The following FAM168A variants were observed in gnomAD, a reference collection of about 807,000 sequenced individuals.
FAM168A encodes the protein family with sequence similarity 168 member A.
FAM168A carries 3 observed loss-of-function variants against 28.5 expected under a neutral mutation model. That is an observed-to-expected ratio of 0.11 (90% confidence interval 0.05 to 0.27). The LOEUF (loss-of-function observed/expected upper bound fraction) is 0.27. Among genes scored for constraint, FAM168A ranks in the 10% least tolerant of loss-of-function variants. FAM168A has a pLI of 1.00. For synonymous variants in FAM168A, 122 were observed against 124.2 expected (o/e 0.98, Z 0.12); for missense variants, 222 against 311.5 (o/e 0.71, Z 2.16).
At chr11:73,447,970 T>A (rs903589144) in intron 2 of FAM168A, among the ~76,000 whole-genome samples, 3 of 152,258 alleles carry the variant, frequency 2.0e-5, no homozygotes, top group African/African-American at 7.2e-5. Context: ...AACGGGATAA[T>A]AATCACTTTG....
chr11:73,514,055 C>CA (rs1855281394), intron 1 of FAM168A, among the ~76,000 whole-genome samples: 1 of 151,938 alleles, frequency 6.6e-6, no homozygotes, highest in African/African-American at 2.4e-5. Context: ...AGTTATGGTA[C>CA]ATGCCTGTAG....
chr11:73,436,630 C>T (rs1867091299), intron 2 of FAM168A, among the ~76,000 whole-genome samples: 1 of 152,168 alleles, frequency 6.6e-6, no homozygotes, highest in Non-Finnish European at 1.5e-5. Flanking sequence ...ACTTCTATAT[C>T]TGATTTAATC....
At chr11:73,557,445 G>T (rs751195594) in intron 1 of FAM168A, among the ~76,000 whole-genome samples, 6 of 151,838 alleles carry the variant, frequency 4.0e-5, no homozygotes, top group Admixed American at 1.3e-4. Flanking sequence ...GCCTAGGCTG[G>T]TCTTGAACTC....
chr11:73,588,419 G>T (rs970056050), intron 1 of FAM168A, among the ~76,000 whole-genome samples: 1 of 152,092 alleles, frequency 6.6e-6, no homozygotes, highest in Non-Finnish European at 1.5e-5. Flanking sequence ...GGCCAGGTGC[G>T]GTGGCCCACA....
chr11:73,429,361 G>A (rs913568023), intron 3 of FAM168A, among the ~76,000 whole-genome samples: 9 of 152,190 alleles, frequency 5.9e-5, no homozygotes, highest in Admixed American at 5.9e-4. Context: ...CAAGAGAAAA[G>A]GTTGAACTGG....
chr11:73,491,709 CTGTT>C lies in FAM168A; in HGVS notation c.-18-23221_-18-23218del, dbSNP rs561223907. The stretch of plus-strand genomic sequence containing the variant: ...CTCATCTCATACGTGGGATGCAGAC[CTGTT>C]AACCCAGCTATAGTCTAAGATGTCA... On this transcript the variant is annotated intron_variant, in intron 1 of 7. Transcript: ENST00000356467. 3.9e-5 allele frequency among the ~76,000 whole-genome samples: 6 copies of C among 152,310 alleles called. No individual in the cohort carries two copies. The East Asian group carries it at 1.2e-3, about 29-fold the overall frequency.
chr11:73,519,708 G>A lies in FAM168A; in HGVS notation c.-18-51216C>T, dbSNP rs147925674. Reference sequence around the variant, plus strand: ...AAAAGCTTGACAGGCTCTCAGAGGAGCTGAGAGATGATGAGGATAGCTGGA... The same window carrying A: ...AAAAGCTTGACAGGCTCTCAGAGGAACTGAGAGATGATGAGGATAGCTGGA... On this transcript the variant is annotated intron_variant, in intron 1 of 7. Coordinates refer to ENST00000356467, the MANE Select transcript of FAM168A (RefSeq NM_015159.3). Among the ~76,000 whole-genome samples the A allele has an allele frequency of 1.2e-3, 181 of 152,226 alleles. 1 individual carries two copies. The highest frequency in any genetic ancestry group is 3.4e-3 in the Middle Eastern group (1 of 294).
intron 2 of FAM168A, among the ~76,000 whole-genome samples, chr11:73,462,681 G>A (rs1487608144): frequency 6.6e-6 from 1 of 152,056 alleles, no homozygotes; most frequent in Admixed American, 6.5e-5. Context: ...CTCCAGACCA[G>A]CCTGGCCAAC....
intron 2 of FAM168A, among the ~76,000 whole-genome samples, chr11:73,460,032 C>G (rs1356991498): frequency 6.6e-6 from 1 of 152,034 alleles, no homozygotes; most frequent in Non-Finnish European, 1.5e-5. Flanking sequence ...AGGCGCCCAC[C>G]ACCATGCCTG....
chr11:73,554,609 AC>A (rs1943868511), intron 1 of FAM168A, among the ~76,000 whole-genome samples: 2 of 152,242 alleles, frequency 1.3e-5, no homozygotes, highest in African/African-American at 4.8e-5. Context: ...AGATTTTAGG[AC>A]AAAAAATGAA....
intron 1 of FAM168A, among the ~76,000 whole-genome samples, chr11:73,476,059 A>C (rs1192103268): frequency 2.6e-5 from 4 of 152,226 alleles, no homozygotes; most frequent in Non-Finnish European, 5.9e-5. Context: ...AAACTTTCAT[A>C]GGATCCCTAG....
rs35834079 is a variant in FAM168A at position 73,433,367 on chromosome 11, C to CAA, written c.71-2599_71-2598dup. On this transcript the variant is annotated intron_variant, in intron 2 of 7. Transcript: ENST00000356467. ...TACTTTCTTTATAAAGCCTTTGATG[C>CAA]AAAAAAAAAAAATCAATTTTAAGTC... Among the ~76,000 whole-genome samples, 19 of 143,492 alleles carry CAA rather than the reference C, an allele frequency of 1.3e-4. No homozygotes were observed. In the East Asian group the frequency reaches 2.6e-3, roughly 19 times the overall value. The allele number at this position is 143,492 out of a possible 152,430, so 94.1% of individuals were successfully genotyped here. A position where few individuals can be genotyped will look rare whatever the true frequency, so the allele number is the denominator to read the frequency against.
intron 2 of FAM168A, among the ~76,000 whole-genome samples, chr11:73,440,810 C>G (rs1051249983): frequency 5.9e-5 from 9 of 151,834 alleles, no homozygotes; most frequent in Non-Finnish European, 8.8e-5. Context: ...ATGCCATAAA[C>G]AAAGTTAAAA....
At position 73,407,610 on chromosome 11, in the gene FAM168A, A is replaced by G. The variant is rs771195412; in HGVS notation, c.629T>C (p.Ile210Thr). Residue 210 changes from isoleucine (I) to threonine (T), a missense_variant, in exon 7 of 8, where the codon ATT becomes ACT. Physicochemically the swap from Ile to Thr is moderately conservative, Grantham distance 89 (BLOSUM62 -1). Coordinates refer to ENST00000356467, the MANE Select transcript of FAM168A (RefSeq NM_015159.3). Reference protein sequence around the residue: ...TLLTTPQHTAIGAHPVSMPTY... With the variant: ...TLLTTPQHTATGAHPVSMPTY... ...TGGCATGGAGACAGGGTGTGCCCCAATCGCCGTGTGCTGGGGTGTAGTCAG... is the reference window on the plus strand; with the variant it reads ...TGGCATGGAGACAGGGTGTGCCCCAGTCGCCGTGTGCTGGGGTGTAGTCAG... The G allele has an allele frequency of 3.3e-5, 53 of 1,610,830 alleles. No homozygotes were observed. Among genetic ancestry groups the G allele is most frequent in the Middle Eastern group, 1.6e-4 (1 of 6,072 alleles).
chr11:73,533,757 T>A (rs1442514051), intron 1 of FAM168A, among the ~76,000 whole-genome samples: 2 of 152,204 alleles, frequency 1.3e-5, no homozygotes, highest in Non-Finnish European at 2.9e-5. Flanking sequence ...GATTCAATAA[T>A]GTTCTGACTA....
At chr11:73,490,171 G>A (rs1205192333) in intron 1 of FAM168A, among the ~76,000 whole-genome samples, 1 of 152,054 alleles carries the variant, frequency 6.6e-6, no homozygotes, top group East Asian at 1.9e-4. Context: ...TTAACAACTA[G>A]TCCATCAGCA....
At chr11:73,491,471 ATGTTTGT>A in intron 1 of FAM168A, among the ~76,000 whole-genome samples, 1 of 152,304 alleles carries the variant, frequency 6.6e-6, no homozygotes, top group East Asian at 1.9e-4. Context: ...ACTCCCATAA[ATGTTTGT>A]TAAATTGAAC....
intron 2 of FAM168A, among the ~76,000 whole-genome samples, chr11:73,444,506 G>T (rs1306869767): frequency 6.6e-6 from 1 of 152,198 alleles, no homozygotes; most frequent in Admixed American, 6.5e-5. Context: ...CTGAATACAG[G>T]TAATTTTTTG....
chr11:73,427,050 G>A (rs1402921811), intron 3 of FAM168A, among the ~76,000 whole-genome samples: 1 of 151,860 alleles, frequency 6.6e-6, no homozygotes, highest in South Asian at 2.1e-4. Context: ...GGAGTGCAGT[G>A]GCGCAATCTT....
Sources: allele counts gnomAD v4.1 joint callset (sites outside exome capture counted in the v4.1 genomes callset), GRCh38; gene constraint gnomAD v4.1.1; transcripts MANE v1.5; gene names NCBI Gene and HGNC (gene_info 2026-07-23, HGNC 2026-07-21).